RPS6KA2: variants seen among roughly 807,000 people sequenced by gnomAD.
RPS6KA2 encodes the protein ribosomal protein S6 kinase A2.
RPS6KA2 carries 42 observed loss-of-function variants against 91.8 expected under a neutral mutation model. That is an observed-to-expected ratio of 0.46 (90% CI 0.36 to 0.59). RPS6KA2 has a LOEUF of 0.59. Ranked by LOEUF, RPS6KA2 falls within the 20% of genes least tolerant of loss-of-function variation. RPS6KA2 has a pLI of 0.00. For missense variants in RPS6KA2, 798 were observed against 978.5 expected, an observed-to-expected ratio of 0.82 and a Z score of 2.46; for synonymous variants, 414 against 393.6, an observed-to-expected ratio of 1.05 and a Z score of -0.61.
intron 2 of RPS6KA2, among the ~76,000 whole-genome samples, chr6:166,652,931 T>A (rs1787901836): frequency 6.6e-6 from 1 of 152,222 alleles, no homozygotes; most frequent in African/African-American, 2.4e-5. Context: ...TGGGCTGTCT[T>A]CATCATGCTG....
chr6:166,598,681 C>T (rs982918133), intron 1 of RPS6KA2, among the ~76,000 whole-genome samples: 10 of 152,278 alleles, frequency 6.6e-5, no homozygotes, highest in Admixed American at 4.6e-4. Context: ...TTTCCCGTTG[C>T]GTCAGGAATA....
rs545688802 is a variant in RPS6KA2, at chr6:166,654,361, G to A, written c.124-115577C>T. ...ACAAGCACCCTCGAATAGCTGCATC[G>A]AGCATGAAAGGGCACGGGCCCCACT... On this transcript the variant is annotated intron_variant, in intron 2 of 21. Transcript: ENST00000503859. Among the ~76,000 whole-genome samples the A allele has an allele frequency of 1.4e-3, 218 of 151,966 alleles. 2 individuals are homozygous for A. The highest frequency in any genetic ancestry group is 5.1e-3 in the African/African-American group (210 of 41,508).
At chr6:166,460,736 G>A (rs77610297) in intron 11 of RPS6KA2, 9,867 of 152,316 alleles carry the variant, frequency 0.065, 1,066 homozygotes, top group African/African-American at 0.22. Flanking sequence ...GGGTCCCCAC[G>A]GTGTTCGCAG....
At chr6:166,547,680 C>G (rs186514278) in intron 1 of RPS6KA2, among the ~76,000 whole-genome samples, 6 of 152,104 alleles carry the variant, frequency 3.9e-5, no homozygotes, top group African/African-American at 1.4e-4. Flanking sequence ...GTCATGTTTT[C>G]AAAAAAACAG....
Position 166,626,211 on chromosome 6 carries a change from A to T in RPS6KA2, c.99+710T>A, listed in dbSNP as rs1397300395. ...AGATTTGATGGTTGAAATAAAACAC[A>T]CCACGAGAGAACCGTCCACAAGGAA... On this transcript the variant is annotated intron_variant, in intron 1 of 20. Transcript: ENST00000265678. The surrounding 1 kb of genome is among the most constrained non-coding windows in gnomAD (Gnocchi z 4.1). Among the ~76,000 whole-genome samples, 1 of 152,230 alleles carries T rather than the reference A, an allele frequency of 6.6e-6. No homozygotes were observed. The highest frequency in any genetic ancestry group is 2.4e-5 in the African/African-American group (1 of 41,454).
At chr6:166,599,629 A>G (rs1472986690) in intron 1 of RPS6KA2, among the ~76,000 whole-genome samples, 3 of 152,196 alleles carry the variant, frequency 2.0e-5, no homozygotes, top group Non-Finnish European at 4.4e-5. Flanking sequence ...AAAAATACCA[A>G]CCAACAGACG....
chr6:166,736,131 T>G (rs1490928836), intron 2 of RPS6KA2, among the ~76,000 whole-genome samples: 2 of 152,230 alleles, frequency 1.3e-5, no homozygotes, highest in Non-Finnish European at 2.9e-5. Flanking sequence ...TAAAATCTAC[T>G]TGTGTGATAT....
rs547318793 is a variant in RPS6KA2 at position 166,668,636 on chromosome 6, A to G, written c.124-129852T>C. The stretch of plus-strand genomic sequence containing the variant: ...GGTGGTGTCGTGACAACCTGGGAAC[A>G]CTGAGAACGGAGGCAGTGCTCAGCT... On this transcript the variant is annotated intron_variant, in intron 2 of 21. Coordinates refer to the RPS6KA2 transcript ENST00000503859. Among the ~76,000 whole-genome samples, 34 of 152,282 alleles carry G rather than the reference A, an allele frequency of 2.2e-4. No homozygotes were observed. In the South Asian group the frequency reaches 6.4e-3, roughly 29 times the overall value.
chr6:166,642,026 C>T (rs1325781439), intron 2 of RPS6KA2, among the ~76,000 whole-genome samples: 2 of 151,800 alleles, frequency 1.3e-5, no homozygotes, highest in East Asian at 3.8e-4. Flanking sequence ...ATAAAATATA[C>T]CGATCTTCAT....
At chr6:166,497,994 G>A (rs928356910) in intron 8 of RPS6KA2, among the ~76,000 whole-genome samples, 1 of 152,128 alleles carries the variant, frequency 6.6e-6, no homozygotes, top group African/African-American at 2.4e-5. Flanking sequence ...GGAGGGTCCT[G>A]TGAAGATTGG....
At chr6:166,680,728 G>C (rs368515464) in intron 2 of RPS6KA2, among the ~76,000 whole-genome samples, 1 of 152,164 alleles carries the variant, frequency 6.6e-6, no homozygotes, top group African/African-American at 2.4e-5. Flanking sequence ...GGACATATCT[G>C]AACATCTGAA....
At chr6:166,641,535 C>G (rs534629028) in intron 2 of RPS6KA2, among the ~76,000 whole-genome samples, 17 of 151,344 alleles carry the variant, frequency 1.1e-4, no homozygotes, top group African/African-American at 4.1e-4. Context: ...ACCAGCCTGG[C>G]CAACATGGCG....
intron 2 of RPS6KA2, among the ~76,000 whole-genome samples, chr6:166,756,801 G>A (rs1442768161): frequency 6.6e-6 from 1 of 152,124 alleles, no homozygotes; most frequent in Non-Finnish European, 1.5e-5. Flanking sequence ...AGCCGAGATG[G>A]CGCCATTGCA....
At chr6:166,465,308 A>T (rs1780476746) in intron 11 of RPS6KA2, 1 of 152,180 alleles carries the variant, frequency 6.6e-6, no homozygotes. Flanking sequence ...GAGTAAAATT[A>T]CCCCTTAAAT....
At chr6:166,526,270 A>G (rs940797345) in intron 3 of RPS6KA2, among the ~76,000 whole-genome samples, 1 of 151,326 alleles carries the variant, frequency 6.6e-6, no homozygotes, top group African/African-American at 2.4e-5. Flanking sequence ...TAAAACAATG[A>G]TTAGTTTTAA....
At chr6:166,586,010 CAAT>C in intron 1 of RPS6KA2, 1 of 556,588 alleles carries the variant, frequency 1.8e-6, no homozygotes, top group South Asian at 2.6e-5. Flanking sequence ...TCCAAAAAAT[CAAT>C]AATCCATTCT....
intron 8 of RPS6KA2, among the ~76,000 whole-genome samples, chr6:166,497,404 A>C (rs1781827880): frequency 6.6e-6 from 1 of 152,262 alleles, no homozygotes; most frequent in Non-Finnish European, 1.5e-5. Context: ...AGGAGTAGCC[A>C]CAAACGTGAT....
At chr6:166,673,927 A>G (rs545557354) in intron 2 of RPS6KA2, among the ~76,000 whole-genome samples, 3 of 152,234 alleles carry the variant, frequency 2.0e-5, no homozygotes, top group African/African-American at 7.2e-5. Context: ...AAGAGTTACC[A>G]TCAGATAAAT....
intron 12 of RPS6KA2, among the ~76,000 whole-genome samples, chr6:166,454,331 C>T (rs1020124950): frequency 2.0e-5 from 3 of 152,128 alleles, no homozygotes; most frequent in Non-Finnish European, 4.4e-5. Context: ...AGCCCTGTCT[C>T]TATTAAAAAT....
Sources: allele counts gnomAD v4.1 joint callset (sites outside exome capture counted in the v4.1 genomes callset), GRCh38; gene constraint gnomAD v4.1.1; non-coding constraint Gnocchi (gnomAD v3.1); transcripts MANE v1.5; gene names NCBI Gene and HGNC (gene_info 2026-07-23, HGNC 2026-07-21).